The following FRMD4B variants were observed in gnomAD, a reference collection of about 807,000 sequenced individuals.
FRMD4B encodes FERM domain-containing protein 4B.
Under a neutral mutation model 141.5 loss-of-function variants are expected in FRMD4B, and 74 were observed. The ratio of observed to expected loss-of-function variants is 0.52; its 90% CI spans 0.43 to 0.63. The LOEUF is 0.63. Ranked by LOEUF, FRMD4B falls within the 30% of genes least tolerant of loss-of-function variation. FRMD4B has a pLI of 0.00. For synonymous variants in FRMD4B, 506 were observed against 467.9 expected (o/e 1.08, Z -1.05); for missense variants, 1,366 against 1,253.4 (o/e 1.09, Z -1.36).
At chr3:69,297,077 A>T (rs1420018475) in intron 4 of FRMD4B, among the ~76,000 whole-genome samples, 1 of 152,158 alleles carries the variant, frequency 6.6e-6, no homozygotes, top group African/African-American at 2.4e-5. Context: ...CTATATCAAT[A>T]AGTCTCACCC....
At position 69,524,302 on chromosome 3, in the gene FRMD4B, G is replaced by A. The variant is rs184727348; in HGVS notation, c.-129+17904C>T. Among the ~76,000 whole-genome samples the A allele has an allele frequency of 2.7e-3, 412 of 152,304 alleles. 3 individuals carry two copies. The highest frequency in any genetic ancestry group is 9.5e-3 in the African/African-American group (396 of 41,560). On this transcript the variant is annotated intron_variant, in intron 1 of 5. Transcript: ENST00000459638. ...ACTTGGGAGTATTAAATGTGGAAAT[G>A]TATCAGTCTCAGAAGAGGTTTAGAT...
At position 69,187,830 on chromosome 3, in the gene FRMD4B, T is replaced by C; in HGVS notation, c.1859A>G (p.Glu620Gly). Residue 620 changes from glutamate (E) to glycine (G), a missense_variant, in exon 19 of 23, where the codon GAG becomes GGG. Physicochemically the swap from Glu to Gly is moderately conservative, Grantham distance 98. Coordinates refer to ENST00000398540, the MANE Select transcript of FRMD4B (RefSeq NM_015123.3). ...RILPPKSLGI[E>G]RIHFRKSSIN... Reference sequence around the variant, plus strand: ...GGACGACTTTCTGAAATGGATTCGCTCAATACCAAGAGACTTGGGGGGAAG... The same window carrying C: ...GGACGACTTTCTGAAATGGATTCGCCCAATACCAAGAGACTTGGGGGGAAG... 1 of 1,611,436 alleles carries C rather than the reference T, an allele frequency of 6.2e-7. No homozygotes were observed. The highest frequency in any genetic ancestry group is 8.5e-7 in the Non-Finnish European group (1 of 1,177,980).
chr3:69,288,565 G>T (rs948499005), intron 4 of FRMD4B, among the ~76,000 whole-genome samples: 4 of 152,342 alleles, frequency 2.6e-5, no homozygotes, highest in Non-Finnish European at 4.4e-5. Flanking sequence ...GCTCCCGGGT[G>T]GGGAGGAGGC....
chr3:69,429,970 A>T (rs537036716), intron 2 of FRMD4B, among the ~76,000 whole-genome samples: 5 of 151,826 alleles, frequency 3.3e-5, no homozygotes, highest in African/African-American at 1.2e-4. Flanking sequence ...CATGTTGACC[A>T]TGCTGGTCTC....
chr3:69,426,651 C>T (rs913844795), intron 2 of FRMD4B, among the ~76,000 whole-genome samples: 1 of 152,160 alleles, frequency 6.6e-6, no homozygotes, highest in African/African-American at 2.4e-5. Context: ...CATATTTGTT[C>T]ATTACCACAG....
chr3:69,294,169 G>A (rs1299007840), intron 4 of FRMD4B, among the ~76,000 whole-genome samples: 1 of 152,174 alleles, frequency 6.6e-6, no homozygotes, highest in East Asian at 1.9e-4. Flanking sequence ...GGCGTCCAGT[G>A]AGGGCTAAAT....
rs1704069992 is a variant in FRMD4B at position 69,379,902 on chromosome 3, C to A, written c.162+5926G>T. On this transcript the variant is annotated intron_variant, in intron 1 of 22. Transcript: ENST00000398540. ...TTTATTTACAAAAACAAGAGGCAAG[C>A]CCGACTTTGCCCGCAAGCCATAGTT... Among the ~76,000 whole-genome samples, 4 of 152,344 alleles carry A rather than the reference C, an allele frequency of 2.6e-5. No individual in the cohort carries two copies. In the South Asian group the frequency reaches 8.3e-4, roughly 32 times the overall value.
intron 5 of FRMD4B, among the ~76,000 whole-genome samples, chr3:69,285,619 G>A (rs1163724889): frequency 2.0e-5 from 3 of 152,150 alleles, no homozygotes; most frequent in African/African-American, 7.2e-5. Flanking sequence ...CGAGGCAGGT[G>A]GATCACCTGA....
intron 1 of FRMD4B, among the ~76,000 whole-genome samples, chr3:69,321,302 T>C (rs1003148554): frequency 6.6e-6 from 1 of 152,254 alleles, no homozygotes; most frequent in Non-Finnish European, 1.5e-5. Context: ...TTGCTTTAGT[T>C]GTTCTTTGGA....
chr3:69,358,930 C>T (rs370591182), intron 1 of FRMD4B, among the ~76,000 whole-genome samples: 1 of 152,160 alleles, frequency 6.6e-6, no homozygotes, highest in Non-Finnish European at 1.5e-5. Flanking sequence ...TGGGATGACC[C>T]TGCCAGATGC....
intron 11 of FRMD4B, among the ~76,000 whole-genome samples, chr3:69,209,833 T>G (rs1430814900): frequency 1.3e-5 from 2 of 152,242 alleles, no homozygotes; most frequent in Non-Finnish European, 2.9e-5. Flanking sequence ...TCTCTTCTCC[T>G]ACAGTTAATC....
chr3:69,517,619 C>T (rs1320256673), intron 1 of FRMD4B, among the ~76,000 whole-genome samples: 1 of 152,164 alleles, frequency 6.6e-6, no homozygotes, highest in Non-Finnish European at 1.5e-5. Flanking sequence ...TGCACAGTGA[C>T]AATGCTACCC....
chr3:69,211,830 T>A (rs756870536), intron 11 of FRMD4B, among the ~76,000 whole-genome samples: 13 of 152,168 alleles, frequency 8.5e-5, no homozygotes, highest in Non-Finnish European at 1.8e-4. Flanking sequence ...GATCCTCCTT[T>A]AATAGAAGGC....
At chr3:69,437,785 A>G (rs1705283205) in intron 1 of FRMD4B, among the ~76,000 whole-genome samples, 1 of 122,780 alleles carries the variant, frequency 8.1e-6, no homozygotes, top group Non-Finnish European at 1.6e-5. Context: ...TATATATACT[A>G]TATTTATATA....
intron 1 of FRMD4B, among the ~76,000 whole-genome samples, chr3:69,446,370 T>A (rs1705410923): frequency 6.6e-6 from 1 of 151,888 alleles, no homozygotes; most frequent in South Asian, 2.1e-4. Flanking sequence ...TCTCAATCTG[T>A]CATCCTGGCT....
intron 7 of FRMD4B, among the ~76,000 whole-genome samples, chr3:69,237,358 C>G (rs2093351871): frequency 6.6e-6 from 1 of 152,238 alleles, no homozygotes; most frequent in Admixed American, 6.5e-5. Context: ...CTTTCTTGAT[C>G]AGACCTTAAA....
At position 69,216,149 on chromosome 3, in the gene FRMD4B, A is replaced by G. The variant is rs956544760; in HGVS notation, c.876+114T>C. On this transcript the variant is annotated intron_variant, in intron 11 of 22. Transcript: ENST00000398540. ...AGCTTGGGCGACAAAGTGAGACTCC[A>G]TCTCAAAAAAAACCAAAAAAACCCC... 2.3e-5 allele frequency: 12 copies of G among 511,982 alleles called. No homozygotes were observed. In the Admixed American group the frequency reaches 3.5e-4, roughly 15 times the overall value. The allele number at this position is 511,982 out of a possible 1,614,324, so 31.7% of individuals were successfully genotyped here.
At chr3:69,270,456 ATAGT>A (rs1297715496) in intron 5 of FRMD4B, among the ~76,000 whole-genome samples, 1 of 152,214 alleles carries the variant, frequency 6.6e-6, no homozygotes, top group Non-Finnish European at 1.5e-5. Context: ...ATGGACAGAA[ATAGT>A]TGGTATGGAT....
chr3:69,443,608 C>T (rs566676124), intron 1 of FRMD4B, among the ~76,000 whole-genome samples: 15 of 152,136 alleles, frequency 9.9e-5, no homozygotes, highest in Non-Finnish European at 4.4e-5. Flanking sequence ...CCTGTGAGGC[C>T]AAAACCACCT....
Sources: allele counts gnomAD v4.1 joint callset (sites outside exome capture counted in the v4.1 genomes callset), GRCh38; gene constraint gnomAD v4.1.1; transcripts MANE v1.5; gene names NCBI Gene and HGNC (gene_info 2026-07-23, HGNC 2026-07-21).